The following SERPINI1 variants were observed in gnomAD, a reference collection of about 807,000 sequenced individuals.
SERPINI1 encodes serpin family I member 1, also known as neuroserpin.
SERPINI1 carries 19 observed loss-of-function variants against 41.1 expected under a neutral mutation model. That is an observed-to-expected ratio of 0.46 (90% CI 0.32 to 0.68). The LOEUF is 0.68. Among genes scored for constraint, SERPINI1 ranks in the 30% least tolerant of loss-of-function variants. The probability of loss-of-function intolerance (pLI) is 0.03; values close to 1 mark genes in which losing one functional copy is unlikely to be tolerated. For synonymous variants in SERPINI1, 138 were observed against 156.6 expected (o/e 0.88, Z 0.89); for missense variants, 460 against 479.2 (o/e 0.96, Z 0.37).
intron 1 of SERPINI1, among the ~76,000 whole-genome samples, chr3:167,785,265 AC>A (rs1398704432): frequency 6.6e-6 from 1 of 152,070 alleles, no homozygotes; most frequent in Non-Finnish European, 1.5e-5. Context: ...TGCTTTGCAC[AC>A]TCTCTCTTAT....
At chr3:167,738,576 A>G (rs1725563056) in intron 1 of SERPINI1, among the ~76,000 whole-genome samples, 1 of 151,946 alleles carries the variant, frequency 6.6e-6, no homozygotes. Flanking sequence ...CCTATAATCC[A>G]TGATTCCATG....
At chr3:167,758,622 C>T (rs182789489) in intron 1 of SERPINI1, among the ~76,000 whole-genome samples, 81 of 152,274 alleles carry the variant, frequency 5.3e-4, no homozygotes, top group Non-Finnish European at 1.0e-3. Flanking sequence ...TATCCAACCA[C>T]ATGACACTTT....
At chr3:167,751,744 T>C (rs1015333713) in intron 1 of SERPINI1, among the ~76,000 whole-genome samples, 3 of 152,080 alleles carry the variant, frequency 2.0e-5, no homozygotes, top group Admixed American at 1.3e-4. Context: ...TTTGTTCTAA[T>C]ATCTTTTCCA....
chr3:167,785,113 C>T (rs1026235768), intron 1 of SERPINI1, among the ~76,000 whole-genome samples: 6 of 151,966 alleles, frequency 3.9e-5, no homozygotes, highest in African/African-American at 7.3e-5. Flanking sequence ...TGGTGGCATG[C>T]GCCTGTAGTA....
chr3:167,769,776 A>G (rs1224988644), intron 1 of SERPINI1, among the ~76,000 whole-genome samples: 1 of 152,090 alleles, frequency 6.6e-6, no homozygotes, highest in Non-Finnish European at 1.5e-5. Flanking sequence ...TAATTATTGA[A>G]AAGTTTGACC....
At chr3:167,773,008 T>G (rs1726843602) in intron 1 of SERPINI1, among the ~76,000 whole-genome samples, 1 of 147,784 alleles carries the variant, frequency 6.8e-6, no homozygotes, top group Non-Finnish European at 1.5e-5. Flanking sequence ...GAAGTTTATC[T>G]GACACAACTA....
chr3:167,778,578 C>T (rs1467948726), intron 1 of SERPINI1, among the ~76,000 whole-genome samples: 1 of 152,120 alleles, frequency 6.6e-6, no homozygotes, highest in Non-Finnish European at 1.5e-5. Context: ...AGTTGGTCCA[C>T]CTGAATTCAA....
chr3:167,801,376 C>G (rs978920838), intron 5 of SERPINI1, among the ~76,000 whole-genome samples: 1 of 152,098 alleles, frequency 6.6e-6, no homozygotes, highest in African/African-American at 2.4e-5. Context: ...AAAGCAGTGT[C>G]ATGGCTTTTA....
chr3:167,807,196 G>A (rs77878704), intron 5 of SERPINI1, 48 bp from the exon 6 acceptor site: 3 of 1,216,498 alleles, frequency 2.5e-6, no homozygotes, highest in South Asian at 2.4e-5. Flanking sequence ...CTTGTTCCAG[G>A]TAACAAGATG....
chr3:167,797,830 G>C (rs1727765865), intron 5 of SERPINI1, among the ~76,000 whole-genome samples: 1 of 151,492 alleles, frequency 6.6e-6, no homozygotes, highest in Non-Finnish European at 1.5e-5. Context: ...TTTTGAACAT[G>C]AATGATTAAA....
At chr3:167,813,755 C>T (rs759330996) in intron 6 of SERPINI1, among the ~76,000 whole-genome samples, 2 of 152,162 alleles carry the variant, frequency 1.3e-5, no homozygotes, top group Non-Finnish European at 2.9e-5. Flanking sequence ...AGACATCTTT[C>T]TGTCCCCAGA....
At chr3:167,786,514 A>AC (rs1362766501) in intron 1 of SERPINI1, among the ~76,000 whole-genome samples, 1 of 151,312 alleles carries the variant, frequency 6.6e-6, no homozygotes, top group African/African-American at 2.4e-5. Context: ...TCTCAAAAAA[A>AC]AAAAAAAAAA....
chr3:167,744,665 AAT>A (rs538290418), intron 1 of SERPINI1, among the ~76,000 whole-genome samples: 47 of 118,232 alleles, frequency 4.0e-4, no homozygotes, highest in South Asian at 2.5e-3. Flanking sequence ...TAAATATAAA[AAT>A]ATATATATAA....
chr3:167,758,495 T>C (rs1400313735), intron 1 of SERPINI1, among the ~76,000 whole-genome samples: 1 of 152,172 alleles, frequency 6.6e-6, no homozygotes, highest in African/African-American at 2.4e-5. Context: ...ATGATGGAAA[T>C]AGAAAAATCA....
At chr3:167,797,203 T>C (rs1368833160) in intron 5 of SERPINI1, among the ~76,000 whole-genome samples, 1 of 152,180 alleles carries the variant, frequency 6.6e-6, no homozygotes, top group Non-Finnish European at 1.5e-5. Context: ...TTTAATGTGA[T>C]TGTTTACTCC....
At chr3:167,744,637 TTTA>T (rs570890036) in intron 1 of SERPINI1, among the ~76,000 whole-genome samples, 1,801 of 135,810 alleles carry the variant, frequency 0.013, 43 homozygotes, top group African/African-American at 0.047. Flanking sequence ...ATATTTTATA[TTTA>T]TATATAAATA....
At chr3:167,801,810 A>C (rs1727908560) in intron 5 of SERPINI1, among the ~76,000 whole-genome samples, 1 of 152,198 alleles carries the variant, frequency 6.6e-6, no homozygotes, top group Non-Finnish European at 1.5e-5. Context: ...GCTTTTTAAA[A>C]AAGTCAAGGA....
chr3:167,742,818 T>TTG (rs10576293), intron 1 of SERPINI1, among the ~76,000 whole-genome samples: 12,340 of 144,930 alleles, frequency 0.085, 526 homozygotes, highest in Middle Eastern at 0.11. Flanking sequence ...TTGTGCCGTT[T>TTG]TGTGTGTGTG....
At chr3:167,811,616 A>G (rs189546418) in intron 6 of SERPINI1, among the ~76,000 whole-genome samples, 22 of 152,210 alleles carry the variant, frequency 1.4e-4, no homozygotes, top group Non-Finnish European at 2.9e-4. Flanking sequence ...ATGAAAGAGG[A>G]GTTTTCATTT....
Sources: allele counts gnomAD v4.1 joint callset (sites outside exome capture counted in the v4.1 genomes callset), GRCh38; gene constraint gnomAD v4.1.1; transcripts MANE v1.5; gene names NCBI Gene and HGNC (gene_info 2026-07-23, HGNC 2026-07-21).